COL4A4: variants seen among roughly 807,000 people sequenced by gnomAD.
COL4A4 encodes collagen alpha-4(IV) chain.
A neutral mutation model predicts 192.9 loss-of-function variants in COL4A4; 105 were observed. The ratio of observed to expected loss-of-function variants is 0.54; its 90% CI spans 0.46 to 0.64. The LOEUF (loss-of-function observed/expected upper bound fraction) is 0.64, where lower values mean the gene tolerates loss of function less well. COL4A4 is among the 30% of genes least tolerant of loss of function. The pLI is 0.00. For synonymous variants in COL4A4, 762 were observed against 769.9 expected, an observed-to-expected ratio of 0.99 and a Z score of 0.17; for missense variants, 1,967 against 2,169.3, an observed-to-expected ratio of 0.91 and a Z score of 1.85.
intron 44 of COL4A4, among the ~76,000 whole-genome samples, chr2:227,020,959 C>T (rs183996574): frequency 4.9e-4 from 71 of 145,128 alleles, no homozygotes; most frequent in Non-Finnish European, 7.7e-4. Flanking sequence ...TCTGCCTCCA[C>T]CGTTCAAGCG....
intron 37 of COL4A4, among the ~76,000 whole-genome samples, chr2:227,035,794 A>G (rs908274924): frequency 6.6e-6 from 1 of 152,122 alleles, no homozygotes; most frequent in Non-Finnish European, 1.5e-5. Context: ...AGTCACCAAG[A>G]TTGATGGCTT....
chr2:227,027,583 T>C (rs1313789208), intron 42 of COL4A4, among the ~76,000 whole-genome samples: 3 of 151,008 alleles, frequency 2.0e-5, no homozygotes, highest in African/African-American at 7.3e-5. Flanking sequence ...TGTATACATA[T>C]GTAACAAACC....
At chr2:227,063,589 A>G (rs910816557) in intron 25 of COL4A4, among the ~76,000 whole-genome samples, 4 of 152,076 alleles carry the variant, frequency 2.6e-5, no homozygotes, top group African/African-American at 9.7e-5. Context: ...AAAAACTTAA[A>G]CCTTTTTTGC....
At chr2:227,140,707 ATTC>A (rs765374581) in intron 3 of COL4A4, among the ~76,000 whole-genome samples, 5 of 152,050 alleles carry the variant, frequency 3.3e-5, no homozygotes, top group African/African-American at 4.8e-5. Context: ...TCCTAGGACA[ATTC>A]TTCTGTCCCA....
At chr2:227,150,107 A>C (rs1484291754) in intron 1 of COL4A4, among the ~76,000 whole-genome samples, 1 of 152,220 alleles carries the variant, frequency 6.6e-6, no homozygotes, top group Non-Finnish European at 1.5e-5. Context: ...TGGGTAAATG[A>C]ACATATAGAA....
chr2:227,035,036 G>A (rs191618645), intron 37 of COL4A4, among the ~76,000 whole-genome samples: 3 of 151,928 alleles, frequency 2.0e-5, no homozygotes, highest in Admixed American at 6.5e-5. Context: ...AACACAGAAG[G>A]TGCCCCTCAC....
At chr2:226,972,257 C>A in the COL4A4 span, among the ~76,000 whole-genome samples, 1 of 152,148 alleles carries the variant, frequency 6.6e-6, no homozygotes, top group Non-Finnish European at 1.5e-5. Flanking sequence ...AGGACATGAT[C>A]TCATTCTTTT....
chr2:227,017,786 G>T (rs1333701631), intron 44 of COL4A4, among the ~76,000 whole-genome samples: 1 of 152,146 alleles, frequency 6.6e-6, no homozygotes, highest in Non-Finnish European at 1.5e-5. Flanking sequence ...TGAAAGAAAA[G>T]ATTTTTTAAT....
At chr2:227,160,692 T>C (rs938439514) in intron 1 of COL4A4, among the ~76,000 whole-genome samples, 1 of 152,216 alleles carries the variant, frequency 6.6e-6, no homozygotes, top group African/African-American at 2.4e-5. Flanking sequence ...TAATTTGCAA[T>C]TTTAATTGGT....
At chr2:227,007,731 G>A (rs765946749) in intron 47 of COL4A4, 143 bp from the exon 48 acceptor site, 9 of 1,194,912 alleles carry the variant, frequency 7.5e-6, no homozygotes, top group African/African-American at 1.5e-5. Flanking sequence ...GCGCTGAAAA[G>A]GAGTCGTACT....
chr2:227,010,595 T>A (rs1963458036), intron 45 of COL4A4, 94 bp from the exon 46 acceptor site: 4 of 1,075,026 alleles, frequency 3.7e-6, no homozygotes, highest in South Asian at 1.8e-5. Flanking sequence ...TGCTAAGCAC[T>A]CAGGGAGCAG....
intron 4 of COL4A4, 28 bp from the exon 5 acceptor site, chr2:227,121,176 G>T (rs185491716): frequency 6.0e-5 from 96 of 1,611,996 alleles, no homozygotes; most frequent in Non-Finnish European, 8.1e-5. Context: ...AAAGAAATGG[G>T]GGTGCAATTC....
In COL4A4 at chr2:227,032,041, G is replaced by A. The variant is rs746049853; in HGVS notation, c.3721C>T (p.Pro1241Ser). 2 of 1,613,790 alleles carry A rather than the reference G, an allele frequency of 1.2e-6. No homozygotes were observed. The highest frequency in any genetic ancestry group is 1.7e-6 in the Non-Finnish European group (2 of 1,179,684). ...PPGPPGSSGP[P>S]GPAGATGRAP... ...CTTCCTGTGGCACCTGCAGGACCAG[G>A]TGGTCCTGAACTCCCTAAGAAGAGA... is the stretch of plus-strand genomic sequence containing the variant. Residue 1241 changes from proline (P) to serine (S), a missense_variant, in exon 40 of 48, where the codon CCT becomes TCT. Pro to Ser is a moderately conservative substitution (Grantham distance 74). Coordinates refer to ENST00000396625, the MANE Select transcript of COL4A4 (RefSeq NM_000092.5).
rs1164502848 is a variant in COL4A4, at chr2:227,007,031, C to A, written c.*294G>T. ...TAATTTGTAATCTGGCCTTTATCAT[C>A]TACTTGCCTTTCTGAGAATTAGCAT... On this transcript the variant is annotated 3_prime_UTR_variant, in exon 48 of 48. Transcript: ENST00000396625. 4.5e-6 allele frequency: 2 copies of A among 444,676 alleles called. No individual in the cohort carries two copies. Among genetic ancestry groups the A allele is most frequent in the Non-Finnish European group, 8.3e-6 (2 of 240,274 alleles). The allele number at this position is 444,676 out of a possible 1,614,324, so 27.5% of individuals were successfully genotyped here. A position where few individuals can be genotyped will look rare whatever the true frequency, so the allele number is the denominator to read the frequency against.
At chr2:227,082,832 T>C (rs2059394669) in intron 22 of COL4A4, among the ~76,000 whole-genome samples, 1 of 152,250 alleles carries the variant, frequency 6.6e-6, no homozygotes, top group African/African-American at 2.4e-5. Flanking sequence ...TAATTTTGGC[T>C]GACATGCTCA....
intron 44 of COL4A4, among the ~76,000 whole-genome samples, chr2:227,017,837 A>C (rs1965231802): frequency 6.6e-6 from 1 of 152,038 alleles, no homozygotes; most frequent in African/African-American, 2.4e-5. Context: ...GGTACGTGTG[A>C]AGTTTGTTAC....
chr2:227,101,590 A>AG (rs1293226168), intron 16 of COL4A4, 33 bp from the exon 17 acceptor site: 2 of 1,599,058 alleles, frequency 1.3e-6, no homozygotes, highest in African/African-American at 2.7e-5. Context: ...CTTAAAAAAA[A>AG]AAAGTGACTG....
At chr2:226,993,431 TTTTTAAAAACAACTG>T in the COL4A4 span, among the ~76,000 whole-genome samples, 1 of 152,228 alleles carries the variant, frequency 6.6e-6, no homozygotes, top group Non-Finnish European at 1.5e-5. Flanking sequence ...AAGACCAGTC[TTTTTAAAAACAACTG>T]TTAAAGGCAA....
At chr2:227,139,104 G>A (rs557238820) in intron 4 of COL4A4, among the ~76,000 whole-genome samples, 2 of 152,250 alleles carry the variant, frequency 1.3e-5, no homozygotes, top group East Asian at 3.9e-4. Context: ...GACCCCAGAG[G>A]ACTCTTTCTC....
Sources: allele counts gnomAD v4.1 joint callset (sites outside exome capture counted in the v4.1 genomes callset), GRCh38; gene constraint gnomAD v4.1.1; transcripts MANE v1.5; gene names NCBI Gene and HGNC (gene_info 2026-07-23, HGNC 2026-07-21).